The following FOXN3 variants were observed in gnomAD, a reference collection of about 807,000 sequenced individuals.
The protein encoded by FOXN3 is forkhead box protein N3.
A neutral mutation model predicts 38.4 loss-of-function variants in FOXN3; 7 were observed. The ratio of observed to expected loss-of-function variants is 0.18; its 90% confidence interval spans 0.10 to 0.34. The LOEUF (loss-of-function observed/expected upper bound fraction) is 0.34. FOXN3 is among the 10% of genes least tolerant of loss of function. The probability of loss-of-function intolerance (pLI) is 1.00; values close to 1 mark genes in which losing one functional copy is unlikely to be tolerated. For synonymous variants in FOXN3, 230 were observed against 242.2 expected (o/e 0.95, Z 0.47); for missense variants, 456 against 613.4 (o/e 0.74, Z 2.71).
intron 1 of FOXN3, among the ~76,000 whole-genome samples, chr14:89,566,027 C>T (rs928449346): frequency 1.3e-5 from 2 of 152,180 alleles, no homozygotes; most frequent in African/African-American, 4.8e-5. Context: ...TTAAGCTGTC[C>T]CTGTGACCCT....
At chr14:89,367,953 T>C (rs1435381189) in intron 2 of FOXN3, among the ~76,000 whole-genome samples, 1 of 152,182 alleles carries the variant, frequency 6.6e-6, no homozygotes, top group East Asian at 1.9e-4. Flanking sequence ...TCACCAATTA[T>C]GTTCCTGTGA....
intron 1 of FOXN3, among the ~76,000 whole-genome samples, chr14:89,554,790 T>C (rs1393792943): frequency 6.9e-6 from 1 of 144,504 alleles, no homozygotes; most frequent in African/African-American, 2.5e-5. Flanking sequence ...TTCTTTTTTT[T>C]TTTTTTTTTT....
At chr14:89,194,347 A>C (rs117116262) in intron 4 of FOXN3, among the ~76,000 whole-genome samples, 2,747 of 152,288 alleles carry the variant, frequency 0.018, 34 homozygotes, top group Middle Eastern at 0.031. Context: ...CCAGATTTAC[A>C]GGCAAACAAA....
At chr14:89,607,361 C>T (rs748719831) in intron 1 of FOXN3, among the ~76,000 whole-genome samples, 8 of 152,048 alleles carry the variant, frequency 5.3e-5, no homozygotes, top group Non-Finnish European at 8.8e-5. Context: ...GAGTTTGAGA[C>T]CAGCCTGGCC....
intron 2 of FOXN3, among the ~76,000 whole-genome samples, chr14:89,370,699 G>C (rs749885737): frequency 6.6e-6 from 1 of 152,174 alleles, no homozygotes; most frequent in Non-Finnish European, 1.5e-5. Context: ...GAGAAAGCTA[G>C]AGCCCAGTGT....
intron 3 of FOXN3, among the ~76,000 whole-genome samples, chr14:89,331,460 C>T (rs183393164): frequency 1.1e-4 from 16 of 148,126 alleles, no homozygotes; most frequent in Non-Finnish European, 1.5e-4. Context: ...TGCTGATGGA[C>T]GTTTGCGTTG....
chr14:89,510,313 G>T lies in FOXN3; in HGVS notation c.-14-97823C>A, dbSNP rs1033147489. Among the ~76,000 whole-genome samples the T allele has an allele frequency of 3.3e-5, 5 of 152,210 alleles. No individual in the cohort carries two copies. The East Asian group carries it at 9.6e-4, about 29-fold the overall frequency. On this transcript the variant is annotated intron_variant, in intron 1 of 6. Coordinates refer to the FOXN3 transcript ENST00000345097. ...AACAAGTAGAATCTGCGACTGGTTT[G>T]AGAACAGCTTCAGTTCCAAAACTCA...
At chr14:89,606,280 A>G (rs923438222) in intron 1 of FOXN3, among the ~76,000 whole-genome samples, 14 of 152,264 alleles carry the variant, frequency 9.2e-5, no homozygotes, top group Non-Finnish European at 5.9e-5. Context: ...AGAAAATACC[A>G]CTTCCAGATA....
intron 5 of FOXN3, among the ~76,000 whole-genome samples, chr14:89,175,581 A>T (rs1265879491): frequency 1.3e-5 from 2 of 152,222 alleles, no homozygotes; most frequent in Non-Finnish European, 2.9e-5. Context: ...TGTGAATCCA[A>T]ATAACACATG....
chr14:89,506,368 G>T (rs1893936965), intron 1 of FOXN3, among the ~76,000 whole-genome samples: 4 of 144,690 alleles, frequency 2.8e-5, no homozygotes, highest in African/African-American at 1.0e-4. Context: ...CGTCCGGGAG[G>T]TGAGGGGCGC....
intron 2 of FOXN3, chr14:89,353,299 C>G (rs769192359): frequency 5.9e-5 from 9 of 152,192 alleles, no homozygotes; most frequent in Non-Finnish European, 1.3e-4. Flanking sequence ...AAATGGCAGA[C>G]AGCATCATGA....
chr14:89,571,701 T>G (rs1027195414), intron 1 of FOXN3, among the ~76,000 whole-genome samples: 2 of 152,198 alleles, frequency 1.3e-5, no homozygotes, highest in Non-Finnish European at 2.9e-5. Context: ...AGTGTGGCTC[T>G]GTGCCAATAA....
At chr14:89,407,443 T>C (rs1023025252) in intron 2 of FOXN3, among the ~76,000 whole-genome samples, 54 of 152,204 alleles carry the variant, frequency 3.5e-4, no homozygotes, top group African/African-American at 1.3e-3. Flanking sequence ...TTCATTTTGT[T>C]AGGGGGGACT....
At chr14:89,333,900 A>AT (rs1264844714) in intron 3 of FOXN3, among the ~76,000 whole-genome samples, 1 of 150,392 alleles carries the variant, frequency 6.6e-6, no homozygotes, top group Non-Finnish European at 1.5e-5. Context: ...ATTATTCACA[A>AT]TAGCCAAAAT....
At chr14:89,208,902 A>G (rs1391577267) in intron 4 of FOXN3, among the ~76,000 whole-genome samples, 3 of 152,190 alleles carry the variant, frequency 2.0e-5, no homozygotes, top group Non-Finnish European at 4.4e-5. Context: ...ACATCAAAGA[A>G]GCTACATCCC....
intron 1 of FOXN3, among the ~76,000 whole-genome samples, chr14:89,448,122 T>C (rs1892545398): frequency 6.6e-6 from 1 of 152,188 alleles, no homozygotes; most frequent in South Asian, 2.1e-4. Flanking sequence ...ATGCCTTTCT[T>C]CTTACATGTA....
chr14:89,427,242 G>A (rs770094159), intron 1 of FOXN3, among the ~76,000 whole-genome samples: 8,461 of 109,176 alleles, frequency 0.077, 415 homozygotes, highest in African/African-American at 0.12. Flanking sequence ...AAAAAAAAAA[G>A]AAAAGAGAAG....
At chr14:89,348,940 G>T (rs1188559504) in intron 3 of FOXN3, among the ~76,000 whole-genome samples, 1 of 152,018 alleles carries the variant, frequency 6.6e-6, no homozygotes, top group Non-Finnish European at 1.5e-5. Context: ...CAAAATACTG[G>T]TCTAAAGGAA....
At chr14:89,371,568 T>C (rs1173808800) in intron 2 of FOXN3, among the ~76,000 whole-genome samples, 2 of 151,942 alleles carry the variant, frequency 1.3e-5, no homozygotes. Flanking sequence ...CCAGTCTATA[T>C]TATGTACGTG....
Sources: gnomAD v4.1 joint callset for allele counts (sites outside exome capture counted in the v4.1 genomes callset) on GRCh38, gnomAD v4.1.1 for gene constraint, MANE v1.5 for transcripts, NCBI Gene and HGNC (gene_info 2026-07-23, HGNC 2026-07-21) for gene names.